Variants in SLC22A5 observed in about 807,000 individuals in gnomAD.
SLC22A5 encodes solute carrier family 22 member 5, also known as organic cation/carnitine transporter 2.
A neutral mutation model predicts 56.7 loss-of-function variants in SLC22A5; 44 were observed. The observed-to-expected ratio is 0.78, with a 90% CI of 0.61 to 1.00. The LOEUF (loss-of-function observed/expected upper bound fraction) is 1.00. SLC22A5 is among the 50% of genes least tolerant of loss of function. SLC22A5 has a pLI of 0.00. For missense variants in SLC22A5, 675 were observed against 723.0 expected (o/e 0.93, Z 0.76); for synonymous variants, 278 against 292.1 (o/e 0.95, Z 0.49).
intron 1 of SLC22A5, among the ~76,000 whole-genome samples, chr5:132,373,405 G>A (rs1446454000): frequency 6.6e-6 from 1 of 152,216 alleles, no homozygotes; most frequent in Non-Finnish European, 1.5e-5. Flanking sequence ...GGGAAGCCAA[G>A]GCAGCAGGTC....
rs1751813303 is a variant in SLC22A5, at chr5:132,369,861, G to C, written c.-112G>C. ...GAGCCTACCCTCCGCGGACGGTCTT[G>C]GGTCGCCTGCTGCCTGGCTTGCCTG... On this transcript the variant is annotated 5_prime_UTR_variant, in exon 1 of 10. Coordinates refer to ENST00000245407, the MANE Select transcript of SLC22A5 (RefSeq NM_003060.4). 7.0e-7 allele frequency: 1 copy of C among 1,430,940 alleles called. No homozygotes were observed. The allele number at this position is 1,430,940 out of a possible 1,614,324, so 88.6% of individuals were successfully genotyped here. A position where few individuals can be genotyped will look rare whatever the true frequency, so the allele number is the denominator to read the frequency against.
At position 132,392,565 on chromosome 5, in the gene SLC22A5, C is replaced by G. The variant is rs60376624; in HGVS notation, c.1400C>G (p.Ser467Cys). 112 of 1,614,190 alleles carry G rather than the reference C, an allele frequency of 6.9e-5. No homozygotes were observed. In the East Asian group the frequency reaches 2.2e-3, roughly 31 times the overall value. The part of the protein sequence containing the change: ...VVRNMGVGVS[S>C]TASRLGSILS... ...AGAAACATGGGTGTGGGAGTCAGCT[C>G]CACAGCATCCCGCCTGGGCAGCATC... Residue 467 changes from serine to cysteine, a missense_variant, in exon 8 of 10, where the codon TCC (serine) becomes TGC (cysteine). Transcript: ENST00000245407.
In SLC22A5 at chr5:132,378,420, A is replaced by G. The variant is rs1409831270; in HGVS notation, c.436A>G (p.Ile146Val). The change falls in exon 2 of 10, where the codon ATC (isoleucine) becomes GTC (valine). Residue 146 changes from isoleucine to valine, a missense_variant. Ile to Val is a conservative substitution (Grantham distance 29). Coordinates refer to ENST00000245407, the MANE Select transcript of SLC22A5 (RefSeq NM_003060.4). ...GGACGACTGGAAGGCCCCACTCACA[A>G]TCTCCTTGTTCTTCGTGGGTGTGCT... ...CEDDWKAPLT[I>V]SLFFVGVLLG... The G allele has an allele frequency of 6.2e-7, 1 of 1,614,082 alleles. No homozygotes were observed. The highest frequency in any genetic ancestry group is 1.3e-5 in the African/African-American group (1 of 74,926).
rs1382868774 is a variant in SLC22A5 at position 132,370,225 on chromosome 5, C to G, written c.253C>G (p.Arg85Gly). 1 of 1,575,126 alleles carries G rather than the reference C, an allele frequency of 6.3e-7. No homozygotes were observed. The highest frequency in any genetic ancestry group is 8.6e-7 in the Non-Finnish European group (1 of 1,162,128). ...REVPHSCRRY[R>G]LATIANFSAL... The stretch of plus-strand genomic sequence containing the variant: ...GGTGCCCCACAGCTGCCGCCGCTAC[C>G]GGCTCGCCACCATCGCCAACTTCTC... The change falls in exon 1 of 10, where the codon CGG (arginine) becomes GGG (glycine). Residue 85 changes from arginine to glycine, a missense_variant. Arg to Gly is a moderately radical substitution (Grantham distance 125). Transcript: ENST00000245407.
chr5:132,384,420 A>C, intron 3 of SLC22A5, 119 bp downstream of exon 3: 1 of 1,074,762 alleles, frequency 9.3e-7, no homozygotes, highest in Non-Finnish European at 1.4e-6. Flanking sequence ...TAACAAAACT[A>C]GCCAGAGCTT....
chr5:132,381,744 T>C (rs1752356240), intron 2 of SLC22A5: 1 of 152,250 alleles, frequency 6.6e-6, no homozygotes, highest in Non-Finnish European at 1.5e-5. Flanking sequence ...AGAAGTAGAC[T>C]GCTGTGTCCT....
At chr5:132,380,167 C>A in intron 2 of SLC22A5, 1 of 152,574 alleles carries the variant, frequency 6.6e-6, no homozygotes, top group Non-Finnish European at 1.5e-5. Flanking sequence ...AAGTAGCCAG[C>A]TGAGGGGTAG....
rs572625197 is a variant in SLC22A5 at position 132,374,051 on chromosome 5, G to A, written c.393+3686G>A. 6.6e-5 allele frequency among the ~76,000 whole-genome samples: 10 copies of A among 151,898 alleles called. No homozygotes were observed. The East Asian group carries it at 1.2e-3, about 18-fold the overall frequency. The stretch of plus-strand genomic sequence containing the variant: ...GCCAACATGGTGAAACCTCGTATCC[G>A]CTAAAAATACAAAAATTAGCCCTGC... On this transcript the variant is annotated intron_variant, in intron 1 of 9. Coordinates refer to ENST00000245407, the MANE Select transcript of SLC22A5 (RefSeq NM_003060.4).
intron 1 of SLC22A5, among the ~76,000 whole-genome samples, chr5:132,375,279 T>C (rs937782762): frequency 1.1e-4 from 17 of 152,196 alleles, no homozygotes; most frequent in African/African-American, 4.1e-4. Flanking sequence ...AGATAGGAAA[T>C]ACCTTTTCTC....
Position 132,369,857 on chromosome 5 carries a change from T to G in SLC22A5, c.-116T>G. On this transcript the variant is annotated 5_prime_UTR_variant, in exon 1 of 10. Transcript: ENST00000245407. ...TCGCGAGCCTACCCTCCGCGGACGG[T>G]CTTGGGTCGCCTGCTGCCTGGCTTG... 1 of 1,400,010 alleles carries G rather than the reference T, an allele frequency of 7.1e-7. No homozygotes were observed. The highest frequency in any genetic ancestry group is 9.6e-7 in the Non-Finnish European group (1 of 1,042,860). The allele number at this position is 1,400,010 out of a possible 1,614,324, so 86.7% of individuals were successfully genotyped here.
intron 5 of SLC22A5, 83 bp downstream of exon 5, chr5:132,387,234 G>C: frequency 6.5e-7 from 1 of 1,531,834 alleles, no homozygotes; most frequent in Non-Finnish European, 9.0e-7. Context: ...AGTCCTCCCT[G>C]CTCACAGCAG....
At chr5:132,370,508 C>T (rs1751869802) in intron 1 of SLC22A5, 143 bp downstream of exon 1, 1 of 996,308 alleles carries the variant, frequency 1.0e-6, no homozygotes, top group Admixed American at 2.4e-5. Flanking sequence ...CGATGGAGAC[C>T]CTCCAGCCAG....
At chr5:132,385,567 C>A in intron 4 of SLC22A5, 68 bp downstream of exon 4, 1 of 1,264,802 alleles carries the variant, frequency 7.9e-7, no homozygotes, top group Non-Finnish European at 1.2e-6. Context: ...CACTAGAGGG[C>A]AGCAACAACC....
At position 132,385,379 on chromosome 5, in the gene SLC22A5, T is replaced by G. The variant is rs796052034; in HGVS notation, c.704T>G (p.Val235Gly). ...SVRIIFSTLG[V>G]CIFYAFGYMV... is the part of the protein sequence containing the mutation. ...CGTATAATATTCTCTACGTTAGGAG[T>G]GTGCATATTTTATGCATTTGGCTAC... is the stretch of plus-strand genomic sequence containing the variant. Residue 235 changes from valine (V) to glycine (G), a missense_variant, in exon 4 of 10, where the codon GTG (valine) becomes GGG (glycine). By Grantham distance (109) the Val-to-Gly change is moderately radical. Transcript: ENST00000245407. 3.1e-6 allele frequency: 5 copies of G among 1,613,392 alleles called. No homozygotes were observed. Among genetic ancestry groups the G allele is most frequent in the Non-Finnish European group, 4.2e-6 (5 of 1,179,468 alleles).
In SLC22A5 at chr5:132,390,732, T is replaced by G; in HGVS notation, c.1095T>G (p.Thr365=). ...SVGYFGLSLD[T]PNLHGDIFVN... The stretch of plus-strand genomic sequence containing the variant: ...GCTATTTTGGGCTTTCGCTTGATAC[T>G]CCTAACTTGCATGGGGACATCTTTG... Residue 365 remains threonine (T), a synonymous_variant, in exon 7 of 10, where the codon ACT becomes ACG. Coordinates refer to ENST00000245407, the MANE Select transcript of SLC22A5 (RefSeq NM_003060.4). 1 of 1,614,256 alleles carries G rather than the reference T, an allele frequency of 6.2e-7. No individual in the cohort carries two copies. The highest frequency in any genetic ancestry group is 1.3e-5 in the African/African-American group (1 of 75,074).
intron 1 of SLC22A5, among the ~76,000 whole-genome samples, chr5:132,373,340 T>TAATA (rs55796550): frequency 0.59 from 89,941 of 151,508 alleles, 27,474 homozygotes; most frequent in East Asian, 1. Flanking sequence ...TGCTAGCAAT[T>TAATA]AATAAATAAA....
At chr5:132,372,484 C>G (rs1311350042) in intron 1 of SLC22A5, among the ~76,000 whole-genome samples, 1 of 152,206 alleles carries the variant, frequency 6.6e-6, no homozygotes, top group East Asian at 1.9e-4. Flanking sequence ...TGCCTCCATC[C>G]CACATTGGGC....
chr5:132,387,243 A>G (rs1752564196), intron 5 of SLC22A5, 92 bp downstream of exon 5: 1 of 1,498,850 alleles, frequency 6.7e-7, no homozygotes, highest in Non-Finnish European at 9.3e-7. Flanking sequence ...TGCTCACAGC[A>G]GCCCAGCCCT....
chr5:132,380,224 CG>C (rs1752301076), intron 2 of SLC22A5: 1 of 152,310 alleles, frequency 6.6e-6, no homozygotes, highest in Admixed American at 6.5e-5. Flanking sequence ...GTGCTAAAGC[CG>C]GGGCTCATGA....
Sources: allele counts gnomAD v4.1 joint callset (sites outside exome capture counted in the v4.1 genomes callset), GRCh38; gene constraint gnomAD v4.1.1; transcripts MANE v1.5; gene names NCBI Gene and HGNC (gene_info 2026-07-23, HGNC 2026-07-21).